The following DNAH10 variants were observed in gnomAD, a reference collection of about 807,000 sequenced individuals.
DNAH10 encodes the protein axonemal beta dynein heavy chain 10.
In DNAH10, 348 loss-of-function variants were observed where a neutral mutation model predicts 506.6. The observed-to-expected ratio is 0.69, with a 90% CI of 0.63 to 0.75. The LOEUF is 0.75. Among genes scored for constraint, DNAH10 ranks in the 30% least tolerant of loss-of-function variants. The pLI is 0.00. For missense variants in DNAH10, 5,179 were observed against 5,787.1 expected (o/e 0.89, Z 3.41); for synonymous variants, 2,059 against 2,198.6 (o/e 0.94, Z 1.78).
Position 123,781,188 on chromosome 12 carries a change from A to G in DNAH10, c.730A>G (p.Met244Val). The G allele has an allele frequency of 6.2e-7, 1 of 1,613,952 alleles. No homozygotes were observed. Among genetic ancestry groups the G allele is most frequent in the East Asian group, 2.2e-5 (1 of 44,884 alleles). The part of the protein sequence containing the change: ...SSEHESDLPP[M>V]PGEAVEYHSI... ...TGAGCATGAATCAGACCTGCCGCCC[A>G]TGCCTGGGGAGGCAGTAGAATATCA... The change falls in exon 6 of 79, where the codon ATG becomes GTG. Residue 244 changes from methionine (M) to valine (V), a missense_variant. Met to Val is a conservative substitution (Grantham distance 21, BLOSUM62 1). Transcript: ENST00000673944.
intron 72 of DNAH10, 151 bp downstream of exon 72, chr12:123,929,910 G>A: frequency 1.4e-6 from 1 of 692,332 alleles, no homozygotes; most frequent in South Asian, 1.9e-5. Context: ...GCTCTCACCT[G>A]GTTGTTCTTT....
intron 54 of DNAH10, among the ~76,000 whole-genome samples, chr12:123,896,299 T>C (rs1269808365): frequency 1.3e-5 from 2 of 152,196 alleles, no homozygotes; most frequent in African/African-American, 4.8e-5. Context: ...TGTGTTTTGC[T>C]AACCCCGGAG....
intron 77 of DNAH10, 106 bp from the exon 78 acceptor site, chr12:123,934,515 A>C (rs11057396): frequency 0.32 from 454,097 of 1,410,528 alleles, 75,372 homozygotes; most frequent in Middle Eastern, 0.42. Flanking sequence ...GCTGGGGAGG[A>C]GGCCAGCCAG....
Position 123,826,787 on chromosome 12 carries a change from C to T in DNAH10, c.4280C>T (p.Pro1427Leu). The T allele has an allele frequency of 1.2e-6, 2 of 1,613,964 alleles. No individual in the cohort carries two copies. The highest frequency in any genetic ancestry group is 1.7e-6 in the Non-Finnish European group (2 of 1,179,872). Residue 1427 changes from proline to leucine, a missense_variant, in exon 25 of 79, where the codon CCT becomes CTT. Transcript: ENST00000673944. ...TTTCTCAGGGCTCTCAGAAAGCTAC[C>T]TCGGCCAGTCCGTGGCTTATCAGTG... ...EGFLRALRKLPRPVRGLSVTY... is the reference protein window; with the variant it reads ...EGFLRALRKLLRPVRGLSVTY...
In DNAH10 at chr12:123,934,772, G is replaced by A. The variant is rs762693982; in HGVS notation, c.13623+6G>A. On this transcript the variant is annotated splice_donor_region_variant and intron_variant, in intron 78 of 78. Coordinates refer to ENST00000673944, the MANE Select transcript of DNAH10 (RefSeq NM_001372106.1). ...CCCATCGCCTCAAGCTGCAGGTGAA[G>A]GTCCCAGCCCCTCCTCTCTGACACC... 6.2e-6 allele frequency: 10 copies of A among 1,613,138 alleles called. No individual in the cohort carries two copies. The Admixed American group carries it at 1.7e-4, about 27-fold the overall frequency.
intron 32 of DNAH10, among the ~76,000 whole-genome samples, chr12:123,847,218 T>TTATCTATCTATCTATC (rs61214034): frequency 1.4e-3 from 195 of 142,830 alleles, no homozygotes; most frequent in Non-Finnish European, 1.5e-3. Context: ...ATCCATCCTA[T>TTATCTATCTATCTATC]TATCTATCTA....
rs768122260 is a variant in DNAH10 at position 123,916,586 on chromosome 12, A to G, written c.10852A>G (p.Ile3618Val). Reference protein sequence around the residue: ...PVIDNVLEKNIKVSQGRQFII... With the variant: ...PVIDNVLEKNVKVSQGRQFII... ...GATTGACAACGTCTTAGAAAAAAAT[A>G]TAAAAGTCTCCCAAGGACGGCAGTT... The change falls in exon 63 of 79, where the codon ATA becomes GTA. Residue 3618 changes from isoleucine (I) to valine (V), a missense_variant. Physicochemically the swap from Ile to Val is conservative, Grantham distance 29 (BLOSUM62 3). Around this residue, in one of 3 missense-constraint regions of DNAH10, gnomAD observed 4,844 missense variants for 5,430.5 expected, o/e 0.89. Coordinates refer to ENST00000673944, the MANE Select transcript of DNAH10 (RefSeq NM_001372106.1). This position sits in a 1 kb window ranked among gnomAD's most constrained non-coding sequence, Gnocchi z 4.6. 6 of 1,613,814 alleles carry G rather than the reference A, an allele frequency of 3.7e-6. No individual in the cohort carries two copies. The highest frequency in any genetic ancestry group is 4.5e-5 in the East Asian group (2 of 44,900).
At chr12:123,870,950 G>T (rs1365416529) in intron 44 of DNAH10, among the ~76,000 whole-genome samples, 1 of 152,166 alleles carries the variant, frequency 6.6e-6, no homozygotes, top group African/African-American at 2.4e-5. Flanking sequence ...ATATAGGCTG[G>T]CTATTCAGGT....
intron 25 of DNAH10, among the ~76,000 whole-genome samples, chr12:123,829,971 T>C (rs551036334): frequency 3.3e-5 from 5 of 152,322 alleles, no homozygotes; most frequent in African/African-American, 1.2e-4. Context: ...AATGGGCCCC[T>C]TCATACCTCC....
rs1955300592 is a variant in DNAH10, at chr12:123,933,205, C to T, written c.13297-126C>T. On this transcript the variant is annotated intron_variant, in intron 76 of 78. Transcript: ENST00000673944. Reference sequence around the variant, plus strand: ...TTTCTCAGACAGGCGGCCAGTTGTGCCAACGCCATCTTTTGCCACTTAGGT... The same window carrying T: ...TTTCTCAGACAGGCGGCCAGTTGTGTCAACGCCATCTTTTGCCACTTAGGT... The T allele has an allele frequency of 3.4e-6, 3 of 890,222 alleles. No individual in the cohort carries two copies. The East Asian group carries it at 9.6e-5, about 29-fold the overall frequency. The allele number at this position is 890,222 out of a possible 1,614,324, so 55.1% of individuals were successfully genotyped here.
At position 123,926,940 on chromosome 12, in the gene DNAH10, C is replaced by T. The variant is rs184352203; in HGVS notation, c.12105+120C>T. Reference sequence around the variant, plus strand: ...GCCACAAATCAGTTGGATGCATTTCCGAGCTAAGAAGCAGTAATGAAACAC... The same window carrying T: ...GCCACAAATCAGTTGGATGCATTTCTGAGCTAAGAAGCAGTAATGAAACAC... On this transcript the variant is annotated intron_variant, in intron 69 of 78. Coordinates refer to ENST00000673944, the MANE Select transcript of DNAH10 (RefSeq NM_001372106.1). This position sits in a 1 kb window ranked among gnomAD's most constrained non-coding sequence, Gnocchi z 4.1. 558 of 1,117,602 alleles carry T rather than the reference C, an allele frequency of 5.0e-4. 1 individual carries two copies. The highest frequency in any genetic ancestry group is 6.1e-4 in the South Asian group (41 of 67,116). The allele number at this position is 1,117,602 out of a possible 1,614,324, so 69.2% of individuals were successfully genotyped here.
intron 52 of DNAH10, among the ~76,000 whole-genome samples, chr12:123,892,255 T>C (rs1025465169): frequency 1.3e-5 from 2 of 152,114 alleles, no homozygotes; most frequent in Non-Finnish European, 2.9e-5. Context: ...TGGGGAGGCC[T>C]CAGGAAACTT....
rs1000346369 is a variant in DNAH10 at position 123,849,042 on chromosome 12, A to G, written c.6102+160A>G. Among the ~76,000 whole-genome samples the G allele has an allele frequency of 2.6e-5, 4 of 152,308 alleles. No homozygotes were observed. In the East Asian group the frequency reaches 7.7e-4, roughly 29 times the overall value. On this transcript the variant is annotated intron_variant, in intron 34 of 78. Transcript: ENST00000673944. ...TTCCAATTGAGATGATTGGGTTTCC[A>G]AAATTATCATCATTGATGATAAGGT...
Position 123,838,522 on chromosome 12 carries a change from G to A in DNAH10, c.4969G>A (p.Asp1657Asn). 1.2e-6 allele frequency: 2 copies of A among 1,614,016 alleles called. No individual in the cohort carries two copies. The highest frequency in any genetic ancestry group is 1.7e-6 in the Non-Finnish European group (2 of 1,179,898). ...CTGTGAAGCCCCAAACCGCCTCAGT[G>A]ACCTACAGAACGTCAGCGAGGGCCT... ...RCCEAPNRLS[D>N]LQNVSEGLEK... Residue 1657 changes from aspartate to asparagine, a missense_variant, in exon 29 of 79, where the codon GAC (aspartate) becomes AAC (asparagine). Coordinates refer to ENST00000673944, the MANE Select transcript of DNAH10 (RefSeq NM_001372106.1).
chr12:123,913,275 G>T lies in DNAH10; in HGVS notation c.10312G>T (p.Ala3438Ser). 1.2e-6 allele frequency: 2 copies of T among 1,605,778 alleles called. No homozygotes were observed. The highest frequency in any genetic ancestry group is 1.7e-6 in the Non-Finnish European group (2 of 1,176,578). ...GATCATGGAGAGGCGGCTGATTGCC[G>T]CAGACAAACTCATCTCGGGTCTGGG... ...AEIMERRLIA[A>S]DKLISGLGSE... The change falls in exon 60 of 79, where the codon GCA becomes TCA. Residue 3438 changes from alanine to serine, a missense_variant. This residue lies in a region of DNAH10 where 4,844 missense variants were observed against 5,430.5 expected (regional missense o/e 0.89). Coordinates refer to ENST00000673944, the MANE Select transcript of DNAH10 (RefSeq NM_001372106.1). The surrounding 1 kb of genome is among the most constrained non-coding windows in gnomAD (Gnocchi z 5.1).
intron 34 of DNAH10, among the ~76,000 whole-genome samples, chr12:123,849,619 A>T (rs1267443935): frequency 1.3e-5 from 2 of 152,102 alleles, no homozygotes; most frequent in Non-Finnish European, 2.9e-5. Flanking sequence ...CACACTTGTC[A>T]CTAAGCCACT....
rs1326785810 is a variant in DNAH10 at position 123,907,083 on chromosome 12, T to C, written c.9816-2178T>C. On this transcript the variant is annotated intron_variant, in intron 57 of 78. Transcript: ENST00000673944. The surrounding 1 kb of genome is among the most constrained non-coding windows in gnomAD (Gnocchi z 4.4). ...CATCAGCAGTGAGGCAGGCAGGGTC[T>C]TCACTGCGTGGCGCTGACACTCTGT... Among the ~76,000 whole-genome samples, 1 of 152,234 alleles carries C rather than the reference T, an allele frequency of 6.6e-6. No homozygotes were observed. Among genetic ancestry groups the C allele is most frequent in the Non-Finnish European group, 1.5e-5 (1 of 68,046 alleles).
At chr12:123,859,839 C>G (rs542420384) in intron 38 of DNAH10, among the ~76,000 whole-genome samples, 1 of 151,922 alleles carries the variant, frequency 6.6e-6, no homozygotes, top group Non-Finnish European at 1.5e-5. Context: ...TTGAGAACAG[C>G]CTGGGCAACA....
At chr12:123,780,310 T>G (rs903398280) in intron 5 of DNAH10, among the ~76,000 whole-genome samples, 1 of 151,990 alleles carries the variant, frequency 6.6e-6, no homozygotes, top group African/African-American at 2.4e-5. Flanking sequence ...GGACCACAGG[T>G]GTGCACCACC....
Sources: allele counts gnomAD v4.1 joint callset (sites outside exome capture counted in the v4.1 genomes callset), GRCh38; gene constraint gnomAD v4.1.1; regional missense constraint gnomAD v4.1.1; non-coding constraint Gnocchi (gnomAD v3.1); transcripts MANE v1.5; gene names NCBI Gene and HGNC (gene_info 2026-07-23, HGNC 2026-07-21).